Variants in CNGB3 observed in about 807,000 individuals in gnomAD.
CNGB3 encodes the protein cyclic nucleotide gated channel subunit beta 3.
A neutral mutation model predicts 92.8 loss-of-function variants in CNGB3; 86 were observed. That is an observed-to-expected ratio of 0.93 (90% CI 0.78 to 1.11). The LOEUF is 1.11. Ranked by LOEUF, CNGB3 falls within the 50% of genes least tolerant of loss-of-function variation. The pLI, the probability that CNGB3 is intolerant of heterozygous loss-of-function variation, is 0.00. For missense variants in CNGB3, 1,026 were observed against 956.8 expected, an observed-to-expected ratio of 1.07 and a Z score of -0.95; for synonymous variants, 333 against 332.7, an observed-to-expected ratio of 1.00 and a Z score of -0.01.
intron 6 of CNGB3, chr8:86,659,290 G>T (rs1342320173): frequency 6.1e-6 from 6 of 988,580 alleles, no homozygotes; most frequent in South Asian, 5.1e-5. Flanking sequence ...TCCATAACCT[G>T]CCCCAGGTGT....
At chr8:86,592,097 G>T (rs1011858346) in intron 15 of CNGB3, among the ~76,000 whole-genome samples, 1 of 152,228 alleles carries the variant, frequency 6.6e-6, no homozygotes, top group Non-Finnish European at 1.5e-5. Flanking sequence ...GGAGTGACCC[G>T]ATTTTCCAGG....
At chr8:86,599,742 G>T (rs895391741) in intron 15 of CNGB3, among the ~76,000 whole-genome samples, 1 of 152,184 alleles carries the variant, frequency 6.6e-6, no homozygotes, top group Non-Finnish European at 1.5e-5. Flanking sequence ...CAGACCGGTT[G>T]TCTGCTCTCA....
Position 86,723,119 on chromosome 8 carries a change from G to A in CNGB3, c.338+3412C>T, listed in dbSNP as rs141319318. Among the ~76,000 whole-genome samples the A allele has an allele frequency of 1.0e-3, 155 of 152,144 alleles. 1 individual carries two copies. The East Asian group carries it at 0.023, about 22-fold the overall frequency. ...TCCAAACAGAGCAGAAACTAAGGGT[G>A]TAATCAATAATATCAAACTGTACTT... On this transcript the variant is annotated intron_variant, in intron 3 of 17. Coordinates refer to ENST00000320005, the MANE Select transcript of CNGB3 (RefSeq NM_019098.5).
intron 13 of CNGB3, among the ~76,000 whole-genome samples, chr8:86,612,893 G>A (rs1822548666): frequency 6.6e-6 from 1 of 152,194 alleles, no homozygotes; most frequent in African/African-American, 2.4e-5. Flanking sequence ...TAACCTTGGA[G>A]GAATTAAAGA....
At chr8:86,635,715 T>A (rs1324405797) in intron 10 of CNGB3, among the ~76,000 whole-genome samples, 1 of 150,808 alleles carries the variant, frequency 6.6e-6, no homozygotes, top group Non-Finnish European at 1.5e-5. Flanking sequence ...ATCTCTAATA[T>A]CTACATCCCA....
intron 6 of CNGB3, chr8:86,659,046 TC>T: frequency 1.0e-6 from 1 of 958,112 alleles, no homozygotes; most frequent in Non-Finnish European, 1.6e-6. Context: ...TAGCTGCTGC[TC>T]CACCTCAGAG....
chr8:86,714,203 C>T (rs1023302479), intron 3 of CNGB3, among the ~76,000 whole-genome samples: 4 of 152,126 alleles, frequency 2.6e-5, no homozygotes, highest in African/African-American at 9.7e-5. Context: ...CCCCAGGCAA[C>T]CACTGTTTTT....
chr8:86,732,933 G>T (rs1048512555), intron 2 of CNGB3, among the ~76,000 whole-genome samples: 4 of 152,108 alleles, frequency 2.6e-5, no homozygotes, highest in African/African-American at 7.2e-5. Flanking sequence ...GTGTGTGTTT[G>T]TTACATGGGT....
intron 2 of CNGB3, among the ~76,000 whole-genome samples, chr8:86,739,082 G>A (rs1825294795): frequency 6.6e-6 from 1 of 152,114 alleles, no homozygotes; most frequent in African/African-American, 2.4e-5. Flanking sequence ...AGAATATACC[G>A]TCGTGTACAT....
intron 3 of CNGB3, among the ~76,000 whole-genome samples, chr8:86,711,103 G>T (rs1256461911): frequency 6.6e-6 from 1 of 152,168 alleles, no homozygotes; most frequent in Non-Finnish European, 1.5e-5. Flanking sequence ...GAATAAAGAA[G>T]ATGATATGGT....
intron 3 of CNGB3, among the ~76,000 whole-genome samples, chr8:86,720,813 C>CATATATAT (rs4024072): frequency 3.7e-5 from 5 of 134,444 alleles, no homozygotes; most frequent in Non-Finnish European, 7.8e-5. Context: ...TATTCCATGG[C>CATATATAT]ATATATATAT....
At chr8:86,629,263 C>T (rs1822913013) in intron 11 of CNGB3, among the ~76,000 whole-genome samples, 185 bp from the exon 12 acceptor site, 1 of 152,130 alleles carries the variant, frequency 6.6e-6, no homozygotes, top group Non-Finnish European at 1.5e-5. Context: ...TGATTTTAAA[C>T]ATACTGATAT....
intron 3 of CNGB3, among the ~76,000 whole-genome samples, chr8:86,711,967 C>A (rs1824759715): frequency 6.6e-6 from 1 of 151,590 alleles, no homozygotes; most frequent in African/African-American, 2.4e-5. Flanking sequence ...GTTTTGAGTA[C>A]CAGGATCACT....
In CNGB3 at chr8:86,575,886, G is replaced by A; in HGVS notation, c.2348C>T (p.Ser783Leu). 1.2e-6 allele frequency: 2 copies of A among 1,613,208 alleles called. No homozygotes were observed. The highest frequency in any genetic ancestry group is 1.7e-6 in the Non-Finnish European group (2 of 1,179,812). Residue 783 changes from serine (S) to leucine (L), a missense_variant, in exon 18 of 18, where the codon TCA (serine) becomes TTA (leucine). Transcript: ENST00000320005. ...TVLPRGTSRQ[S>L]LIISMAPSAE... ...AGAAGGAGCCATGCTGATAATGAGTGATTGACGAGAAGTCCCTCTGGGTAA... is the reference window on the plus strand; with the variant it reads ...AGAAGGAGCCATGCTGATAATGAGTAATTGACGAGAAGTCCCTCTGGGTAA...
chr8:86,611,869 C>A (rs1822529245), intron 13 of CNGB3, among the ~76,000 whole-genome samples, 198 bp from the exon 14 acceptor site: 1 of 152,000 alleles, frequency 6.6e-6, no homozygotes. Flanking sequence ...GAATTTAGAT[C>A]TTGCTCAGAT....
chr8:86,604,366 T>A (rs940510905), intron 14 of CNGB3, among the ~76,000 whole-genome samples, 155 bp from the exon 15 acceptor site: 2 of 152,228 alleles, frequency 1.3e-5, no homozygotes, highest in African/African-American at 4.8e-5. Context: ...CTAAAGTATT[T>A]ACAGACATGG....
chr8:86,584,064 G>A (rs991719850), intron 15 of CNGB3, among the ~76,000 whole-genome samples: 2 of 151,688 alleles, frequency 1.3e-5, no homozygotes, highest in African/African-American at 2.4e-5. Context: ...TTTTCCTAAG[G>A]TACTCTTAAG....
chr8:86,609,749 C>T (rs773128073), intron 14 of CNGB3, among the ~76,000 whole-genome samples: 2 of 152,228 alleles, frequency 1.3e-5, no homozygotes, highest in African/African-American at 2.4e-5. Context: ...GTCTCCATCA[C>T]TCACTTGCTT....
intron 3 of CNGB3, among the ~76,000 whole-genome samples, chr8:86,698,266 T>A (rs1390607164): frequency 6.6e-6 from 1 of 152,224 alleles, no homozygotes; most frequent in Non-Finnish European, 1.5e-5. Context: ...ATTTAGATAG[T>A]CTTTGAAAAC....
Sources: gnomAD v4.1 joint callset for allele counts (sites outside exome capture counted in the v4.1 genomes callset) on GRCh38, gnomAD v4.1.1 for gene constraint, MANE v1.5 for transcripts, NCBI Gene and HGNC (gene_info 2026-07-23, HGNC 2026-07-21) for gene names.